The following MYO5A variants were observed in gnomAD, a reference collection of about 807,000 sequenced individuals.
The protein encoded by MYO5A is myosin VA, also known as unconventional myosin-Va.
Under a neutral mutation model 249.7 loss-of-function variants are expected in MYO5A, and 98 were observed. That is an observed-to-expected ratio of 0.39 (90% CI 0.33 to 0.46). The LOEUF is 0.46. MYO5A is among the 20% of genes least tolerant of loss of function. MYO5A has a pLI of 0.98. For missense variants in MYO5A, 1,696 were observed against 2,308.8 expected, an observed-to-expected ratio of 0.73 and a Z score of 5.44; for synonymous variants, 778 against 810.6, an observed-to-expected ratio of 0.96 and a Z score of 0.68.
chr15:52,381,049 A>G (rs1475752958), intron 16 of MYO5A, among the ~76,000 whole-genome samples: 1 of 152,200 alleles, frequency 6.6e-6, no homozygotes, highest in Non-Finnish European at 1.5e-5. Context: ...ACTCTAGGCA[A>G]ATGACATCTT....
intron 1 of MYO5A, among the ~76,000 whole-genome samples, chr15:52,506,736 G>A (rs566740181): frequency 3.3e-5 from 5 of 152,216 alleles, no homozygotes; most frequent in Admixed American, 2.6e-4. Flanking sequence ...ACAGGTGGCT[G>A]AGGTGTGACA....
chr15:52,516,275 A>G (rs974165048), intron 1 of MYO5A, among the ~76,000 whole-genome samples: 1 of 152,256 alleles, frequency 6.6e-6, no homozygotes, highest in Non-Finnish European at 1.5e-5. Flanking sequence ...AAACAGTTGC[A>G]ACAAAGCCCT....
chr15:52,471,984 C>G (rs2076482470), intron 1 of MYO5A, among the ~76,000 whole-genome samples: 2 of 152,160 alleles, frequency 1.3e-5, no homozygotes, highest in African/African-American at 2.4e-5. Flanking sequence ...CAGGCATGAG[C>G]CACTGTTTCT....
chr15:52,519,862 C>A (rs1192774045), intron 1 of MYO5A, among the ~76,000 whole-genome samples: 1 of 151,896 alleles, frequency 6.6e-6, no homozygotes, highest in Non-Finnish European at 1.5e-5. Flanking sequence ...TCCTGAGTAG[C>A]TGGGATTACA....
chr15:52,390,416 A>C (rs958771815), intron 12 of MYO5A, among the ~76,000 whole-genome samples: 1 of 152,152 alleles, frequency 6.6e-6, no homozygotes, highest in Non-Finnish European at 1.5e-5. Flanking sequence ...TTAAAAATTA[A>C]ATTTAAAAAA....
intron 1 of MYO5A, among the ~76,000 whole-genome samples, chr15:52,453,434 G>A (rs1028105954): frequency 2.0e-5 from 3 of 151,782 alleles, no homozygotes; most frequent in Non-Finnish European, 2.9e-5. Flanking sequence ...AATACTAAAG[G>A]GAGTTCTTCA....
intron 34 of MYO5A, among the ~76,000 whole-genome samples, chr15:52,330,723 A>C (rs930517284): frequency 2.6e-5 from 4 of 152,316 alleles, no homozygotes; most frequent in Non-Finnish European, 4.4e-5. Context: ...CCTAACTGTA[A>C]ATTAACATCA....
intron 12 of MYO5A, among the ~76,000 whole-genome samples, chr15:52,391,593 A>C (rs754897725): frequency 4.6e-5 from 7 of 152,202 alleles, no homozygotes; most frequent in Non-Finnish European, 8.8e-5. Context: ...TGTTATTCAA[A>C]ATATCTTCTG....
At chr15:52,314,783 ATT>A (rs572261427) in intron 40 of MYO5A, among the ~76,000 whole-genome samples, 1 of 151,690 alleles carries the variant, frequency 6.6e-6, no homozygotes, top group African/African-American at 2.4e-5. Context: ...AAGTTCAATA[ATT>A]TTTTTTTGTA....
intron 1 of MYO5A, among the ~76,000 whole-genome samples, chr15:52,502,680 G>C (rs1465154312): frequency 1.3e-5 from 2 of 152,154 alleles, no homozygotes; most frequent in Non-Finnish European, 2.9e-5. Context: ...ACACATACAG[G>C]GGTTTGCAAG....
Position 52,367,104 on chromosome 15 carries a change from T to C in MYO5A, c.3087A>G (p.Glu1029=). Residue 1029 remains glutamate, a synonymous_variant, in exon 23 of 42, where the codon GAA becomes GAG. Transcript: ENST00000399233. ...TTTCTTGCTTCAGCAAAGTATTTTC[T>C]TCCTTCAGATTTGATACCAGCTACG... ...ETEQLVSNLK[E]ENTLLKQEKE... is the part of the protein sequence containing the mutation. 1 of 1,613,564 alleles carries C rather than the reference T, an allele frequency of 6.2e-7. No individual in the cohort carries two copies. The highest frequency in any genetic ancestry group is 8.5e-7 in the Non-Finnish European group (1 of 1,179,626).
chr15:52,504,984 C>A (rs1445309860), intron 1 of MYO5A, among the ~76,000 whole-genome samples: 1 of 152,020 alleles, frequency 6.6e-6, no homozygotes, highest in East Asian at 1.9e-4. Context: ...TATCTCGGGG[C>A]TATTCTGGCA....
At chr15:52,323,731 C>T (rs978985210) in intron 36 of MYO5A, 5 of 360,468 alleles carry the variant, frequency 1.4e-5, no homozygotes, top group Non-Finnish European at 2.1e-5. Context: ...CGGCTGGGCG[C>T]GGTGGCTCAC....
chr15:52,409,845 C>T (rs1326836845), intron 6 of MYO5A, among the ~76,000 whole-genome samples: 1 of 108,022 alleles, frequency 9.3e-6, no homozygotes, highest in Non-Finnish European at 2.5e-5. Context: ...GATGCATCAA[C>T]TGTTTTTTTG....
intron 36 of MYO5A, among the ~76,000 whole-genome samples, chr15:52,325,282 T>G (rs1434377955): frequency 6.6e-6 from 1 of 152,110 alleles, no homozygotes; most frequent in Non-Finnish European, 1.5e-5. Flanking sequence ...CCCAGCTGGA[T>G]GTAACGGCAC....
chr15:52,482,228 T>G (rs913894972), intron 1 of MYO5A, among the ~76,000 whole-genome samples: 1 of 152,210 alleles, frequency 6.6e-6, no homozygotes, highest in South Asian at 2.1e-4. Context: ...ATAGGCCATC[T>G]CTTTTTTTCG....
At chr15:52,528,182 G>C (rs2077759788) in intron 1 of MYO5A, among the ~76,000 whole-genome samples, 1 of 152,114 alleles carries the variant, frequency 6.6e-6, no homozygotes, top group East Asian at 1.9e-4. Context: ...AATGAGTACC[G>C]ACCCTCCCAG....
chr15:52,429,374 C>T (rs945763743), intron 2 of MYO5A, among the ~76,000 whole-genome samples: 3 of 151,032 alleles, frequency 2.0e-5, no homozygotes, highest in African/African-American at 7.3e-5. Flanking sequence ...GCCAACATGG[C>T]AAGACTCCGT....
At chr15:52,339,834 A>G (rs1226222232) in intron 32 of MYO5A, among the ~76,000 whole-genome samples, 1 of 152,162 alleles carries the variant, frequency 6.6e-6, no homozygotes, top group East Asian at 1.9e-4. Context: ...AGGTAAAGGA[A>G]GCCTGTCCCC....
Sources: gnomAD v4.1 joint callset for allele counts (sites outside exome capture counted in the v4.1 genomes callset) on GRCh38, gnomAD v4.1.1 for gene constraint, MANE v1.5 for transcripts, NCBI Gene and HGNC (gene_info 2026-07-23, HGNC 2026-07-21) for gene names.